NTM: variants seen among roughly 807,000 people sequenced by gnomAD.
The protein encoded by NTM is IgLON family member 2.
NTM carries 13 observed loss-of-function variants against 42.1 expected under a neutral mutation model. The observed-to-expected ratio is 0.31, with a 90% CI of 0.20 to 0.49. The LOEUF (loss-of-function observed/expected upper bound fraction) is 0.49. NTM is among the 20% of genes least tolerant of loss of function. The probability of loss-of-function intolerance (pLI) is 0.99; values close to 1 mark genes in which losing one functional copy is unlikely to be tolerated. For synonymous variants in NTM, 187 were observed against 179.2 expected (o/e 1.04, Z -0.35); for missense variants, 373 against 452.8 (o/e 0.82, Z 1.60).
intron 8 of NTM, among the ~76,000 whole-genome samples, chr11:132,334,319 T>C (rs2095849924): frequency 6.6e-6 from 1 of 152,232 alleles, no homozygotes; most frequent in South Asian, 2.1e-4. Context: ...TGCATCCCAG[T>C]GTCCTCATTG....
intron 7 of NTM, among the ~76,000 whole-genome samples, chr11:132,322,446 T>C (rs376707661): frequency 1.4e-5 from 2 of 138,504 alleles, no homozygotes; most frequent in African/African-American, 5.4e-5. Flanking sequence ...CATTACATAA[T>C]GGTAAAGGGA....
intron 1 of NTM, among the ~76,000 whole-genome samples, chr11:131,874,031 A>T (rs112776342): frequency 1.7e-4 from 2 of 11,896 alleles, no homozygotes; most frequent in African/African-American, 1.6e-3. Flanking sequence ...ATATAATATA[A>T]TATATATATA....
intron 1 of NTM, among the ~76,000 whole-genome samples, chr11:131,511,446 C>T (rs2048235668): frequency 6.6e-6 from 1 of 152,228 alleles, no homozygotes; most frequent in Non-Finnish European, 1.5e-5. Context: ...ATTACCCTGT[C>T]AACTCCAGCA....
At chr11:131,464,081 C>T (rs1251029123) in intron 1 of NTM, among the ~76,000 whole-genome samples, 1 of 152,174 alleles carries the variant, frequency 6.6e-6, no homozygotes, top group Non-Finnish European at 1.5e-5. Context: ...TTTCCTCTCT[C>T]TGGAGATTGT....
chr11:131,753,143 C>T (rs59917530), intron 1 of NTM, among the ~76,000 whole-genome samples: 9,883 of 152,134 alleles, frequency 0.065, 1,170 homozygotes, highest in African/African-American at 0.23. Context: ...TGAAAAAATG[C>T]TCACCATCAC....
Position 132,116,925 on chromosome 11 carries a change from G to T in NTM, c.168-29357G>T, listed in dbSNP as rs530422755. On this transcript the variant is annotated intron_variant, in intron 2 of 8. Transcript: ENST00000683400. ...AAGAACAATTCTGCAAGGAGCCCAG[G>T]TCGAAGAAAAGTAAGGGGGAAACTA... Among the ~76,000 whole-genome samples, 14 of 152,212 alleles carry T rather than the reference G, an allele frequency of 9.2e-5. No individual in the cohort carries two copies. The East Asian group carries it at 2.7e-3, about 29-fold the overall frequency.
At chr11:131,969,663 T>A (rs2063283153) in intron 2 of NTM, among the ~76,000 whole-genome samples, 1 of 152,210 alleles carries the variant, frequency 6.6e-6, no homozygotes, top group Non-Finnish European at 1.5e-5. Context: ...CAGATCTATC[T>A]CTTTGAAGTT....
chr11:131,585,005 G>A (rs1035432250), intron 1 of NTM, among the ~76,000 whole-genome samples: 17 of 151,480 alleles, frequency 1.1e-4, no homozygotes, highest in Non-Finnish European at 2.1e-4. Context: ...GGGTGCAGTG[G>A]GGGGGAAGCT....
At chr11:131,917,575 A>G (rs1272311218) in intron 2 of NTM, among the ~76,000 whole-genome samples, 1 of 152,226 alleles carries the variant, frequency 6.6e-6, no homozygotes, top group African/African-American at 2.4e-5. Flanking sequence ...AGCATTTTCA[A>G]GGTAAGGAGG....
chr11:131,972,037 C>T (rs76294172), intron 2 of NTM, among the ~76,000 whole-genome samples: 10,379 of 43,842 alleles, frequency 0.24, 524 homozygotes, highest in Non-Finnish European at 0.29. Context: ...AGTGAGACTC[C>T]GTCTCAAAAA....
intron 2 of NTM, among the ~76,000 whole-genome samples, chr11:132,038,550 C>G (rs1030773787): frequency 6.6e-6 from 1 of 152,164 alleles, no homozygotes; most frequent in Admixed American, 6.5e-5. Context: ...GGAGTTTCCT[C>G]CTGGGGCTGT....
chr11:131,829,415 CA>C (rs1313670551), intron 1 of NTM, among the ~76,000 whole-genome samples: 1 of 152,118 alleles, frequency 6.6e-6, no homozygotes, highest in Non-Finnish European at 1.5e-5. Context: ...GTTTAGGTGT[CA>C]CTTATAAGTG....
intron 4 of NTM, among the ~76,000 whole-genome samples, chr11:132,214,250 G>A (rs556367531): frequency 1.3e-5 from 2 of 152,304 alleles, no homozygotes; most frequent in African/African-American, 2.4e-5. Context: ...TCCGCGGTGT[G>A]CACCATTCAT....
chr11:132,217,359 TGTG>T (rs1566497786), intron 4 of NTM, among the ~76,000 whole-genome samples: 4 of 70,424 alleles, frequency 5.7e-5, no homozygotes, highest in African/African-American at 1.4e-4. Flanking sequence ...TCTCTCTTTC[TGTG>T]TGTGTGTGTG....
intron 2 of NTM, among the ~76,000 whole-genome samples, chr11:132,103,376 C>T (rs2061864767): frequency 6.6e-6 from 1 of 152,220 alleles, no homozygotes; most frequent in African/African-American, 2.4e-5. Flanking sequence ...TAATCTCGGG[C>T]ATTTTGTTGC....
chr11:132,103,302 T>C (rs1269570380), intron 2 of NTM, among the ~76,000 whole-genome samples: 1 of 152,176 alleles, frequency 6.6e-6, no homozygotes, highest in African/African-American at 2.4e-5. Flanking sequence ...CCAAATAAAA[T>C]GTACAGAAGG....
chr11:131,913,739 C>A (rs1176909708), intron 2 of NTM, among the ~76,000 whole-genome samples: 1 of 152,130 alleles, frequency 6.6e-6, no homozygotes, highest in Non-Finnish European at 1.5e-5. Flanking sequence ...CCTTTCTAGA[C>A]CCTTGAATTG....
intron 1 of NTM, among the ~76,000 whole-genome samples, chr11:131,866,049 C>T (rs576436230): frequency 0.038 from 5,520 of 145,622 alleles, 756 homozygotes; most frequent in African/African-American, 0.14. Context: ...ACATGCTACA[C>T]ACACACTACA....
chr11:132,022,518 C>G (rs1404847447), intron 2 of NTM, among the ~76,000 whole-genome samples: 1 of 152,158 alleles, frequency 6.6e-6, no homozygotes, highest in Non-Finnish European at 1.5e-5. Context: ...AGGACACTAC[C>G]CACTCTTTGC....
Sources: gnomAD v4.1 joint callset for allele counts (sites outside exome capture counted in the v4.1 genomes callset) on GRCh38, gnomAD v4.1.1 for gene constraint, MANE v1.5 for transcripts, NCBI Gene and HGNC (gene_info 2026-07-23, HGNC 2026-07-21) for gene names.